FGD4: variants seen among roughly 807,000 people sequenced by gnomAD.
FGD4 encodes the protein FYVE, RhoGEF and PH domain-containing protein 4.
Under a neutral mutation model 102.0 loss-of-function variants are expected in FGD4, and 42 were observed. That is an observed-to-expected ratio of 0.41 (90% CI 0.32 to 0.53). The LOEUF is 0.53. FGD4 is among the 20% of genes least tolerant of loss of function. FGD4 has a pLI of 0.21. For missense variants in FGD4, 902 were observed against 1,078.2 expected, an observed-to-expected ratio of 0.84 and a Z score of 2.29; for synonymous variants, 380 against 375.7, an observed-to-expected ratio of 1.01 and a Z score of -0.13.
In FGD4 at chr12:32,598,552, G is replaced by A. The variant is rs1211624997; in HGVS notation, c.1067G>A (p.Arg356Lys). 2 of 1,613,594 alleles carry A rather than the reference G, an allele frequency of 1.2e-6. No homozygotes were observed. Among genetic ancestry groups the A allele is most frequent in the Admixed American group, 1.7e-5 (1 of 59,984 alleles). Residue 356 changes from arginine to lysine, a missense_variant, in exon 5 of 17, where the codon AGA (arginine) becomes AAA (lysine). Physicochemically the swap from Arg to Lys is conservative, Grantham distance 26. Transcript: ENST00000534526. The stretch of plus-strand genomic sequence containing the variant: ...GCCAATGAACTTTTGCTTACTGAAA[G>A]AGCTTATGTCAACCGACTTGACCTC... Reference protein sequence around the residue: ...KIANELLLTERAYVNRLDLLD... With the variant: ...KIANELLLTEKAYVNRLDLLD...
chr12:32,533,497 C>T (rs1337429380), intron 1 of FGD4, among the ~76,000 whole-genome samples: 1 of 152,226 alleles, frequency 6.6e-6, no homozygotes, highest in Non-Finnish European at 1.5e-5. Flanking sequence ...GCAATCTCAG[C>T]TCACTGCAAC....
At chr12:32,563,099 C>A (rs1592231770) in intron 1 of FGD4, among the ~76,000 whole-genome samples, 2 of 149,474 alleles carry the variant, frequency 1.3e-5, no homozygotes, top group African/African-American at 4.9e-5. Flanking sequence ...GGGCTGACCC[C>A]CCCCACCTCC....
chr12:32,433,220 C>T (rs1942114009), intron 1 of FGD4, among the ~76,000 whole-genome samples: 1 of 152,178 alleles, frequency 6.6e-6, no homozygotes, highest in South Asian at 2.1e-4. Context: ...TGGAATCGAA[C>T]TCCTGGCCTC....
At chr12:32,639,767 C>T (rs969067895) in intron 16 of FGD4, among the ~76,000 whole-genome samples, 4 of 152,162 alleles carry the variant, frequency 2.6e-5, no homozygotes, top group African/African-American at 9.7e-5. Flanking sequence ...TGTTGTATTT[C>T]AGTCTATAAA....
At chr12:32,534,627 T>A (rs1425167744) in intron 1 of FGD4, 2 of 539,994 alleles carry the variant, frequency 3.7e-6, no homozygotes, top group Non-Finnish European at 5.9e-6. Context: ...AAAGCTCACA[T>A]TGGTTTTCAA....
chr12:32,485,805 CATGTATT>C (rs1012124374), intron 1 of FGD4: 8 of 962,756 alleles, frequency 8.3e-6, no homozygotes, highest in Non-Finnish European at 9.9e-6. Context: ...AATAAAGTTA[CATGTATT>C]TGGCATCATA....
intron 16 of FGD4, among the ~76,000 whole-genome samples, chr12:32,639,472 TTTTTA>T (rs1474518152): frequency 6.6e-6 from 1 of 152,162 alleles, no homozygotes; most frequent in East Asian, 1.9e-4. Flanking sequence ...CCAATTTTGT[TTTTTA>T]TTTTATTTTT....
intron 1 of FGD4, among the ~76,000 whole-genome samples, chr12:32,448,153 TTTGA>T (rs1248325978): frequency 1.3e-5 from 2 of 152,212 alleles, no homozygotes; most frequent in African/African-American, 4.8e-5. Context: ...ATTCATTCAC[TTTGA>T]TTGATTCATA....
At chr12:32,452,301 C>T (rs925689737) in intron 1 of FGD4, among the ~76,000 whole-genome samples, 3 of 152,102 alleles carry the variant, frequency 2.0e-5, no homozygotes, top group Non-Finnish European at 4.4e-5. Context: ...CCAGTAAGTA[C>T]CAGACAGAAT....
At chr12:32,469,405 A>C (rs1237462062) in intron 1 of FGD4, among the ~76,000 whole-genome samples, 1 of 151,532 alleles carries the variant, frequency 6.6e-6, no homozygotes, top group Non-Finnish European at 1.5e-5. Context: ...CAGCCTCCCA[A>C]GTAGCTGGGA....
intron 1 of FGD4, among the ~76,000 whole-genome samples, chr12:32,528,293 T>C (rs1490176003): frequency 6.6e-6 from 1 of 152,216 alleles, no homozygotes; most frequent in Non-Finnish European, 1.5e-5. Flanking sequence ...GGCTGGGGGA[T>C]TGGTTCCAGG....
In FGD4 at chr12:32,619,639, A is replaced by C. The variant is rs1380871351; in HGVS notation, c.1750-59A>C. On this transcript the variant is annotated intron_variant, in intron 10 of 16. Transcript: ENST00000534526. The stretch of plus-strand genomic sequence containing the variant: ...AGAGTGAGACTCTGTCTCAAAAAAA[A>C]ACCTGATCAGTTTCCCCTATTTCTT... 8 of 1,596,740 alleles carry C rather than the reference A, an allele frequency of 5.0e-6. No individual in the cohort carries two copies. The Admixed American group carries it at 1.3e-4, about 27-fold the overall frequency.
At chr12:32,420,801 A>G (rs141998319) in intron 1 of FGD4, among the ~76,000 whole-genome samples, 1 of 152,288 alleles carries the variant, frequency 6.6e-6, no homozygotes, top group East Asian at 1.9e-4. Flanking sequence ...AGGGCCTCTC[A>G]AAGTCCATTC....
intron 1 of FGD4, among the ~76,000 whole-genome samples, chr12:32,436,035 T>C (rs114699657): frequency 7.6e-4 from 116 of 152,330 alleles, no homozygotes; most frequent in African/African-American, 2.7e-3. Flanking sequence ...ACATATCTGC[T>C]GTCGGGGGAG....
At chr12:32,484,149 T>A (rs926881033) in intron 1 of FGD4, among the ~76,000 whole-genome samples, 2 of 152,226 alleles carry the variant, frequency 1.3e-5, no homozygotes, top group Non-Finnish European at 2.9e-5. Context: ...TGGCTTTATC[T>A]TGACTGCCTT....
At chr12:32,639,852 T>C (rs956733985) in intron 16 of FGD4, among the ~76,000 whole-genome samples, 1 of 152,366 alleles carries the variant, frequency 6.6e-6, no homozygotes, top group Admixed American at 6.5e-5. Context: ...TCTCCTTTAT[T>C]GCTTTTCCTA....
At chr12:32,624,613 G>A (rs898543677) in intron 12 of FGD4, 161 bp downstream of exon 12, 1 of 704,766 alleles carries the variant, frequency 1.4e-6, no homozygotes, top group African/African-American at 1.8e-5. Flanking sequence ...TGGGACTATA[G>A]GCGTGCACCA....
intron 10 of FGD4, among the ~76,000 whole-genome samples, chr12:32,613,654 G>A (rs1375887875): frequency 6.6e-6 from 1 of 152,096 alleles, no homozygotes; most frequent in African/African-American, 2.4e-5. Flanking sequence ...TACTTGAGAG[G>A]AGGAGGATCC....
intron 15 of FGD4, among the ~76,000 whole-genome samples, chr12:32,633,908 C>A (rs891460567): frequency 4.6e-5 from 7 of 152,166 alleles, no homozygotes; most frequent in Non-Finnish European, 1.0e-4. Flanking sequence ...GTCTCAAACT[C>A]CTGACCTCAG....
Sources: allele counts gnomAD v4.1 joint callset (sites outside exome capture counted in the v4.1 genomes callset), GRCh38; gene constraint gnomAD v4.1.1; transcripts MANE v1.5; gene names NCBI Gene and HGNC (gene_info 2026-07-23, HGNC 2026-07-21).